The following SPRING1 variants were observed in gnomAD, a reference collection of about 807,000 sequenced individuals.
SPRING1 encodes SREBP regulating gene protein.
Under a neutral mutation model 24.7 loss-of-function variants are expected in SPRING1, and 14 were observed. The observed-to-expected ratio is 0.57, with a 90% CI of 0.37 to 0.88. The LOEUF is 0.88. Among genes scored for constraint, SPRING1 ranks in the 40% least tolerant of loss-of-function variants. SPRING1 has a pLI of 0.00. For missense variants in SPRING1, 255 were observed against 268.4 expected (o/e 0.95, Z 0.35); for synonymous variants, 93 against 106.1 (o/e 0.88, Z 0.76).
In SPRING1 at chr12:116,717,942, A is replaced by G. The variant is rs546759950; in HGVS notation, c.535-49T>C. 7.7e-4 allele frequency: 1,097 copies of G among 1,418,334 alleles called. 17 individuals are homozygous for G. In the South Asian group the frequency reaches 0.013, roughly 17 times the overall value. The allele number at this position is 1,418,334 out of a possible 1,614,324, so 87.9% of individuals were successfully genotyped here. On this transcript the variant is annotated intron_variant, in intron 4 of 4. Coordinates refer to ENST00000261318, the MANE Select transcript of SPRING1 (RefSeq NM_024738.4). This position sits in a 1 kb window ranked among gnomAD's most constrained non-coding sequence, Gnocchi z 4.2. Reference sequence around the variant, plus strand: ...GCGCAGTGAGAGCGAGCACAGCTTCACACACCTCCCTCTCGGAAGAGTGAG... The same window carrying G: ...GCGCAGTGAGAGCGAGCACAGCTTCGCACACCTCCCTCTCGGAAGAGTGAG...
chr12:116,724,581 G>A (rs1477229489), intron 1 of SPRING1, among the ~76,000 whole-genome samples: 2 of 152,146 alleles, frequency 1.3e-5, no homozygotes, highest in African/African-American at 2.4e-5. Flanking sequence ...GCCGGGCGTG[G>A]TGGTAGAATT....
rs1463089274 is a variant in SPRING1, at chr12:116,715,850, T to G, written c.*1960A>C. Reference sequence around the variant, plus strand: ...TTCTCCATCGTAAGGTTGGAGCTCCTGTCTGTGAAAGGACTGGAAATGTAA... The same window carrying G: ...TTCTCCATCGTAAGGTTGGAGCTCCGGTCTGTGAAAGGACTGGAAATGTAA... On this transcript the variant is annotated 3_prime_UTR_variant, in exon 5 of 5. Coordinates refer to ENST00000261318, the MANE Select transcript of SPRING1 (RefSeq NM_024738.4). 1.3e-5 allele frequency: 2 copies of G among 152,268 alleles called. No homozygotes were observed. Among genetic ancestry groups the G allele is most frequent in the Admixed American group, 6.5e-5 (1 of 15,286 alleles). 9.4% of individuals were successfully genotyped at this position (152,268 alleles called of 1,614,324 possible). A position where few individuals can be genotyped will look rare whatever the true frequency, so the allele number is the denominator to read the frequency against.
In SPRING1 at chr12:116,735,724, C is replaced by A. The variant is rs531684864; in HGVS notation, c.111+2066G>T. ...CTCCAGCCTGGGTAACAGAGTGAGACTCCATGTTAAAAAAGGTTAAGATGG... is the reference window on the plus strand; with the variant it reads ...CTCCAGCCTGGGTAACAGAGTGAGAATCCATGTTAAAAAAGGTTAAGATGG... On this transcript the variant is annotated intron_variant, in intron 1 of 4. Transcript: ENST00000261318. Among the ~76,000 whole-genome samples, 4 of 144,154 alleles carry A rather than the reference C, an allele frequency of 2.8e-5. No individual in the cohort carries two copies. The South Asian group carries it at 8.9e-4, about 32-fold the overall frequency. 94.6% of individuals were successfully genotyped at this position (144,154 alleles called of 152,430 possible).
rs1215117509 is a variant in SPRING1, at chr12:116,720,256, A to C, written c.420+40T>G. Reference sequence around the variant, plus strand: ...TGCTCATCATAAAACAGAGGCCGAAAGAAAAAAGGAGCCGCAGAACCAGGA... The same window carrying C: ...TGCTCATCATAAAACAGAGGCCGAACGAAAAAAGGAGCCGCAGAACCAGGA... On this transcript the variant is annotated intron_variant, in intron 3 of 4. Coordinates refer to ENST00000261318, the MANE Select transcript of SPRING1 (RefSeq NM_024738.4). The surrounding 1 kb of genome is among the most constrained non-coding windows in gnomAD (Gnocchi z 4.0). 1 of 1,562,090 alleles carries C rather than the reference A, an allele frequency of 6.4e-7. No homozygotes were observed. Among genetic ancestry groups the C allele is most frequent in the Non-Finnish European group, 8.6e-7 (1 of 1,159,806 alleles).
chr12:116,724,220 G>A (rs1482544242), intron 1 of SPRING1, among the ~76,000 whole-genome samples: 3 of 152,110 alleles, frequency 2.0e-5, no homozygotes, highest in Non-Finnish European at 4.4e-5. Flanking sequence ...TGATGAAGAA[G>A]CTTATATACT....
At position 116,738,022 on chromosome 12, in the gene SPRING1, C is replaced by T. The variant is rs1279399311; in HGVS notation, c.-122G>A. 3.6e-6 allele frequency: 4 copies of T among 1,110,828 alleles called. No individual in the cohort carries two copies. The highest frequency in any genetic ancestry group is 4.4e-6 in the Non-Finnish European group (4 of 909,950). The allele number at this position is 1,110,828 out of a possible 1,614,324, so 68.8% of individuals were successfully genotyped here. On this transcript the variant is annotated 5_prime_UTR_variant, in exon 1 of 5. Transcript: ENST00000261318. ...TCCAGGCAGGCGCCGGCCCCGCCGCCCGCAGCCCAGTCTGCTCCCGGCAGC... is the reference window on the plus strand; with the variant it reads ...TCCAGGCAGGCGCCGGCCCCGCCGCTCGCAGCCCAGTCTGCTCCCGGCAGC...
intron 4 of SPRING1, among the ~76,000 whole-genome samples, chr12:116,718,783 T>C (rs549256826): frequency 3.9e-5 from 6 of 152,372 alleles, no homozygotes; most frequent in South Asian, 2.1e-4. Flanking sequence ...AGTCATGTGT[T>C]CAGCCTTCCT....
rs764335106 is a variant in SPRING1 at position 116,714,898 on chromosome 12, C to T, written c.*2912G>A. On this transcript the variant is annotated 3_prime_UTR_variant, in exon 5 of 5. Coordinates refer to ENST00000261318, the MANE Select transcript of SPRING1 (RefSeq NM_024738.4). ...TCCTTGCTTGTCTCAGAGCCCTTTT[C>T]ACAGTCTCTTGTGTGCTTCTTTCCC... 2 of 151,130 alleles carry T rather than the reference C, an allele frequency of 1.3e-5. No homozygotes were observed. Among genetic ancestry groups the T allele is most frequent in the African/African-American group, 2.4e-5 (1 of 41,092 alleles). The allele number at this position is 151,130 out of a possible 1,614,324, so 9.4% of individuals were successfully genotyped here. A position where few individuals can be genotyped will look rare whatever the true frequency, so the allele number is the denominator to read the frequency against.
At chr12:116,734,499 G>A (rs1166475084) in intron 1 of SPRING1, among the ~76,000 whole-genome samples, 1 of 152,226 alleles carries the variant, frequency 6.6e-6, no homozygotes, top group Admixed American at 6.5e-5. Flanking sequence ...TGAAAGGTTA[G>A]CAGAAGTATG....
chr12:116,717,977 G>T lies in SPRING1; in HGVS notation c.535-84C>A. ...CTCTCGGAAGAGTGAGAGTGGATCG[G>T]GACTGTCAGACTCTCCCTGCAGGGG... On this transcript the variant is annotated intron_variant, in intron 4 of 4. Coordinates refer to ENST00000261318, the MANE Select transcript of SPRING1 (RefSeq NM_024738.4). The surrounding 1 kb of genome is among the most constrained non-coding windows in gnomAD (Gnocchi z 4.2). 2 of 1,178,462 alleles carry T rather than the reference G, an allele frequency of 1.7e-6. No individual in the cohort carries two copies. The highest frequency in any genetic ancestry group is 2.3e-6 in the Non-Finnish European group (2 of 856,174). 73.0% of individuals were successfully genotyped at this position (1,178,462 alleles called of 1,614,324 possible).
At chr12:116,736,161 A>AT (rs1187289471) in intron 1 of SPRING1, among the ~76,000 whole-genome samples, 1 of 148,862 alleles carries the variant, frequency 6.7e-6, no homozygotes, top group African/African-American at 2.5e-5. Context: ...GAATTTGGGG[A>AT]TTTCTGGACA....
At position 116,737,906 on chromosome 12, in the gene SPRING1, C is replaced by CGCGGACGTGGGGCGCG. The variant is rs1871362350; in HGVS notation, c.-22_-7dup. On this transcript the variant is annotated 5_prime_UTR_variant, in exon 1 of 5. Coordinates refer to ENST00000261318, the MANE Select transcript of SPRING1 (RefSeq NM_024738.4). ...ATGGCCGCCAGGTTCACCATCCCGG[C>CGCGGACGTGGGGCGCG]GCGGACGTGGGGCGCGGCGGCCGGG... The CGCGGACGTGGGGCGCG allele has an allele frequency of 3.9e-6, 6 of 1,548,116 alleles. No homozygotes were observed. The African/African-American group carries it at 4.3e-5, about 11-fold the overall frequency.
At chr12:116,730,396 G>T (rs2137042855) in intron 1 of SPRING1, among the ~76,000 whole-genome samples, 1 of 151,836 alleles carries the variant, frequency 6.6e-6, no homozygotes, top group South Asian at 2.1e-4. Context: ...TAGAAACAGG[G>T]TTTCACCATG....
chr12:116,724,274 GA>G (rs1295643605), intron 1 of SPRING1, among the ~76,000 whole-genome samples: 1 of 152,156 alleles, frequency 6.6e-6, no homozygotes, highest in African/African-American at 2.4e-5. Context: ...ATTTATCTAG[GA>G]AAGTAATCTA....
Position 116,720,230 on chromosome 12 carries a change from A to G in SPRING1, c.420+66T>C, listed in dbSNP as rs1027571223. 5.9e-5 allele frequency: 90 copies of G among 1,520,012 alleles called. No individual in the cohort carries two copies. Among genetic ancestry groups the G allele is most frequent in the Non-Finnish European group, 3.7e-5 (42 of 1,135,166 alleles). The allele number at this position is 1,520,012 out of a possible 1,614,324, so 94.2% of individuals were successfully genotyped here. A position where few individuals can be genotyped will look rare whatever the true frequency, so the allele number is the denominator to read the frequency against. Reference sequence around the variant, plus strand: ...AGAGGAATCTCACATGAAGAGCCTAATGCTCATCATAAAACAGAGGCCGAA... The same window carrying G: ...AGAGGAATCTCACATGAAGAGCCTAGTGCTCATCATAAAACAGAGGCCGAA... On this transcript the variant is annotated intron_variant, in intron 3 of 4. Coordinates refer to ENST00000261318, the MANE Select transcript of SPRING1 (RefSeq NM_024738.4). This position sits in a 1 kb window ranked among gnomAD's most constrained non-coding sequence, Gnocchi z 4.0.
At chr12:116,726,356 G>A (rs141892127) in intron 1 of SPRING1, among the ~76,000 whole-genome samples, 2 of 152,272 alleles carry the variant, frequency 1.3e-5, no homozygotes, top group African/African-American at 4.8e-5. Context: ...AATAGTACCA[G>A]CATTTAAATA....
chr12:116,726,382 T>C (rs56201899), intron 1 of SPRING1, among the ~76,000 whole-genome samples: 2,199 of 152,370 alleles, frequency 0.014, 30 homozygotes, highest in Non-Finnish European at 0.022. Context: ...GTTTACAATT[T>C]GACCACAACC....
At position 116,716,967 on chromosome 12, in the gene SPRING1, G is replaced by A. The variant is rs887368488; in HGVS notation, c.*843C>T. The A allele has an allele frequency of 5.9e-5, 9 of 152,342 alleles. No homozygotes were observed. The highest frequency in any genetic ancestry group is 3.4e-3 in the Middle Eastern group (1 of 294). The allele number at this position is 152,342 out of a possible 1,614,324, so 9.4% of individuals were successfully genotyped here. A position where few individuals can be genotyped will look rare whatever the true frequency, so the allele number is the denominator to read the frequency against. On this transcript the variant is annotated 3_prime_UTR_variant, in exon 5 of 5. Transcript: ENST00000261318. ...CTGAGTAGCCCACAGTTAATTTTAA[G>A]TGGCAAAAGAAATGAGAACAAATTC...
rs79750749 is a variant in SPRING1 at position 116,734,557 on chromosome 12, T to A, written c.111+3233A>T. ...TCCCAGTTAAAAAGACTCACTTGTT[T>A]GTTCAATCAATATTTGGATTCCCAT... On this transcript the variant is annotated intron_variant, in intron 1 of 4. Coordinates refer to ENST00000261318, the MANE Select transcript of SPRING1 (RefSeq NM_024738.4). 6.6e-5 allele frequency among the ~76,000 whole-genome samples: 10 copies of A among 152,318 alleles called. No homozygotes were observed. In the East Asian group the frequency reaches 1.9e-3, roughly 29 times the overall value.
Sources: gnomAD v4.1 joint callset for allele counts (sites outside exome capture counted in the v4.1 genomes callset) on GRCh38, gnomAD v4.1.1 for gene constraint, Gnocchi (gnomAD v3.1) non-coding constraint, MANE v1.5 for transcripts, NCBI Gene and HGNC (gene_info 2026-07-23, HGNC 2026-07-21) for gene names.